Variants in FABP7 observed in about 807,000 individuals in gnomAD.
FABP7 encodes fatty acid binding protein 7, also known as fatty acid-binding protein, brain.
FABP7 carries 13 observed loss-of-function variants against 14.2 expected under a neutral mutation model. That is an observed-to-expected ratio of 0.91 (90% confidence interval 0.59 to 1.45). The LOEUF (loss-of-function observed/expected upper bound fraction) is 1.45, where lower values mean the gene tolerates loss of function less well. Ranked by LOEUF, FABP7 falls within the 40% of genes most tolerant of loss-of-function variation. The pLI, the probability that FABP7 is intolerant of heterozygous loss-of-function variation, is 0.00. For missense variants in FABP7, 149 were observed against 157.6 expected, an observed-to-expected ratio of 0.95 and a Z score of 0.29; for synonymous variants, 49 against 51.4, an observed-to-expected ratio of 0.95 and a Z score of 0.20.
chr6:122,783,915 T>C lies in FABP7; in HGVS notation c.*148T>C, dbSNP rs1780856635. 3.5e-6 allele frequency: 2 copies of C among 567,022 alleles called. No homozygotes were observed. Among genetic ancestry groups the C allele is most frequent in the Non-Finnish European group, 6.0e-6 (2 of 333,532 alleles). The allele number at this position is 567,022 out of a possible 1,614,324, so 35.1% of individuals were successfully genotyped here. A position where few individuals can be genotyped will look rare whatever the true frequency, so the allele number is the denominator to read the frequency against. On this transcript the variant is annotated 3_prime_UTR_variant, in exon 4 of 4. Transcript: ENST00000368444. The stretch of plus-strand genomic sequence containing the variant: ...AAATGGTGATTTAAAAACTTGTTAC[T>C]CCAAGCAACTTGCCCAATTTTAATC...
At chr6:122,774,178 A>G in the FABP7 span, among the ~76,000 whole-genome samples, 1 of 152,000 alleles carries the variant, frequency 6.6e-6, no homozygotes, top group Non-Finnish European at 1.5e-5. Context: ...CCTAGCCAAT[A>G]TGGTAAAACA....
the FABP7 span, among the ~76,000 whole-genome samples, chr6:122,766,120 G>T: frequency 6.6e-6 from 1 of 152,032 alleles, no homozygotes; most frequent in Non-Finnish European, 1.5e-5. Context: ...CTAGAGAATA[G>T]GTTTAGAGGA....
chr6:122,765,209 C>T, the FABP7 span, among the ~76,000 whole-genome samples: 5 of 152,070 alleles, frequency 3.3e-5, no homozygotes, highest in Admixed American at 2.6e-4. Flanking sequence ...ACATTACAGG[C>T]ATCTTTTTCT....
the FABP7 span, among the ~76,000 whole-genome samples, chr6:122,750,575 T>A: frequency 6.6e-6 from 1 of 152,216 alleles, no homozygotes; most frequent in African/African-American, 2.4e-5. Context: ...TTGTTACCCA[T>A]GTCTTTGGAT....
At chr6:122,761,394 T>A in the FABP7 span, among the ~76,000 whole-genome samples, 1 of 152,188 alleles carries the variant, frequency 6.6e-6, no homozygotes. Context: ...AGTTAGGTTA[T>A]CTAAAGATAT....
chr6:122,777,853 T>TAA, upstream of FABP7, among the ~76,000 whole-genome samples: 1 of 150,536 alleles, frequency 6.6e-6, no homozygotes, highest in Non-Finnish European at 1.5e-5. Context: ...CAAAAATAAA[T>TAA]AAATAAATAA....
the FABP7 span, among the ~76,000 whole-genome samples, chr6:122,761,676 GC>G: frequency 1.3e-5 from 2 of 151,982 alleles, no homozygotes; most frequent in South Asian, 4.2e-4. Context: ...CTTAAGGAGA[GC>G]AAAAGAATTG....
the FABP7 span, among the ~76,000 whole-genome samples, chr6:122,774,320 C>A: frequency 2.9e-5 from 4 of 136,060 alleles, no homozygotes; most frequent in East Asian, 8.9e-4. Context: ...CCAGATCAGG[C>A]CACTGCACTC....
chr6:122,781,516 TA>T, intron 3 of FABP7: 1 of 1,333,292 alleles, frequency 7.5e-7, no homozygotes, highest in Non-Finnish European at 9.6e-7. Context: ...GTCTCTCAAA[TA>T]AAATTTAATA....
chr6:122,775,665 T>A (rs1164685797), upstream of FABP7, among the ~76,000 whole-genome samples: 2 of 150,222 alleles, frequency 1.3e-5, no homozygotes, highest in Admixed American at 6.7e-5. Flanking sequence ...CAAATAGGAC[T>A]ATATCAAGTT....
At chr6:122,758,712 A>G in the FABP7 span, among the ~76,000 whole-genome samples, 22 of 152,362 alleles carry the variant, frequency 1.4e-4, no homozygotes, top group African/African-American at 4.8e-4. Context: ...ATCTACAATT[A>G]GGAAGACAAT....
upstream of FABP7, chr6:122,779,661 T>C: frequency 8.1e-6 from 6 of 743,436 alleles, no homozygotes; most frequent in Non-Finnish European, 1.4e-5. Flanking sequence ...TTTAAATCAC[T>C]GGATTTTTGC....
chr6:122,758,124 T>A, the FABP7 span, among the ~76,000 whole-genome samples: 225 of 146,606 alleles, frequency 1.5e-3, 1 homozygote, highest in East Asian at 7.0e-3. Flanking sequence ...TTTTTTTTTT[T>A]AATTAACAGA....
chr6:122,757,682 T>G, the FABP7 span, among the ~76,000 whole-genome samples: 3 of 151,998 alleles, frequency 2.0e-5, no homozygotes, highest in Non-Finnish European at 2.9e-5. Flanking sequence ...AATACGTTAC[T>G]ATATGTAGGT....
At chr6:122,777,297 C>T (rs1209514882), upstream of FABP7, among the ~76,000 whole-genome samples, 1 of 152,024 alleles carries the variant, frequency 6.6e-6, no homozygotes, top group East Asian at 1.9e-4. Flanking sequence ...AAATAGTTTG[C>T]CTAGATGAAA....
chr6:122,761,161 G>C, the FABP7 span, among the ~76,000 whole-genome samples: 36 of 152,194 alleles, frequency 2.4e-4, no homozygotes, highest in African/African-American at 8.2e-4. Context: ...CTAGATAACT[G>C]CTTCCTGAGG....
At chr6:122,783,639 C>G in intron 3 of FABP7, 78 bp from the exon 4 acceptor site, 1 of 1,512,324 alleles carries the variant, frequency 6.6e-7, no homozygotes. Context: ...ATACTTAGAT[C>G]ACATATATGA....
the FABP7 span, among the ~76,000 whole-genome samples, chr6:122,756,896 CCTCT>C: frequency 6.6e-6 from 1 of 152,186 alleles, no homozygotes; most frequent in Admixed American, 6.5e-5. Context: ...ATTTCACTGG[CCTCT>C]CTTTCTCAGT....
At chr6:122,770,848 T>C in the FABP7 span, among the ~76,000 whole-genome samples, 33 of 152,316 alleles carry the variant, frequency 2.2e-4, no homozygotes, top group African/African-American at 7.5e-4. Flanking sequence ...GGATGGGGTG[T>C]GGTAGACTGA....
Sources: allele counts gnomAD v4.1 joint callset (sites outside exome capture counted in the v4.1 genomes callset), GRCh38; gene constraint gnomAD v4.1.1; transcripts MANE v1.5; gene names NCBI Gene and HGNC (gene_info 2026-07-23, HGNC 2026-07-21).